C16orf96: variants seen among roughly 807,000 people sequenced by gnomAD.
C16orf96 encodes uncharacterized protein C16orf96.
In C16orf96, 108 loss-of-function variants were observed where a neutral mutation model predicts 103.6. The observed-to-expected ratio is 1.04, with a 90% CI of 0.89 to 1.22. C16orf96 has a LOEUF of 1.22. C16orf96 is among the 50% of genes most tolerant of loss of function. The probability of loss-of-function intolerance (pLI) is 0.00; values close to 1 mark genes in which losing one functional copy is unlikely to be tolerated. For synonymous variants in C16orf96, 566 were observed against 593.5 expected (o/e 0.95, Z 0.67); for missense variants, 1,586 against 1,464.2 (o/e 1.08, Z -1.36).
In C16orf96 at chr16:4,600,587, G is replaced by T; in HGVS notation, c.*270G>T. ...GTCCCGTCCCCGGCTGAGACCCAGG[G>T]CCCTGAGCCTGGCCCAGAAAGGGTG... On this transcript the variant is annotated 3_prime_UTR_variant, in exon 16 of 16. Coordinates refer to ENST00000444310, the MANE Select transcript of C16orf96 (RefSeq NM_001145011.2). The T allele has an allele frequency of 2.2e-6, 1 of 452,024 alleles. No homozygotes were observed. The highest frequency in any genetic ancestry group is 2.1e-5 in the South Asian group (1 of 47,116). The allele number at this position is 452,024 out of a possible 1,614,324, so 28.0% of individuals were successfully genotyped here.
chr16:4,547,696 CTTTCTTTCTTTCT>C, the C16orf96 span, among the ~76,000 whole-genome samples: 78 of 45,160 alleles, frequency 1.7e-3, 1 homozygote, highest in African/African-American at 3.6e-3. Flanking sequence ...TTCCTTCTTT[CTTTCTTTCTTTCT>C]TTCTTTCTTT....
intron 7 of C16orf96, among the ~76,000 whole-genome samples, 194 bp downstream of exon 7, chr16:4,580,319 C>CCT (rs371005389): frequency 1.5e-5 from 2 of 134,486 alleles, no homozygotes; most frequent in Admixed American, 7.9e-5. Context: ...CACCCCCCCC[C>CCT]ACCCATATAA....
chr16:4,561,722 T>C (rs1479133579), intron 1 of C16orf96: 1 of 152,242 alleles, frequency 6.6e-6, no homozygotes, highest in Non-Finnish European at 1.5e-5. Context: ...CAATGACCCA[T>C]TGAAGGGGGT....
chr16:4,564,775 C>T (rs1163190982), intron 1 of C16orf96, among the ~76,000 whole-genome samples: 1 of 152,214 alleles, frequency 6.6e-6, no homozygotes, highest in Admixed American at 6.5e-5. Context: ...CGCGCCGCTG[C>T]ACTCCAGCCT....
chr16:4,596,742 A>G (rs1306332416), intron 14 of C16orf96, among the ~76,000 whole-genome samples: 2 of 152,146 alleles, frequency 1.3e-5, no homozygotes, highest in Non-Finnish European at 2.9e-5. Flanking sequence ...CAACAACAAC[A>G]AAAACAAAAT....
At chr16:4,544,603 TG>T in the C16orf96 span, among the ~76,000 whole-genome samples, 3 of 152,304 alleles carry the variant, frequency 2.0e-5, no homozygotes, top group Non-Finnish European at 4.4e-5. Context: ...AGCCTGACCC[TG>T]TCTGAAAAAT....
chr16:4,543,084 A>G, the C16orf96 span, among the ~76,000 whole-genome samples: 72 of 152,328 alleles, frequency 4.7e-4, no homozygotes, highest in Admixed American at 2.5e-3. Context: ...GGAGACTAAT[A>G]TAATAGCTTA....
chr16:4,579,103 C>T (rs569317764), intron 6 of C16orf96, 78 bp downstream of exon 6: 6 of 1,291,564 alleles, frequency 4.6e-6, no homozygotes, highest in Admixed American at 4.1e-5. Flanking sequence ...GACTCTGCCC[C>T]CCTCCCAGGT....
chr16:4,581,074 C>T (rs1377863542), intron 7 of C16orf96, among the ~76,000 whole-genome samples: 6 of 143,556 alleles, frequency 4.2e-5, no homozygotes, highest in African/African-American at 7.7e-5. Flanking sequence ...CGGTGAGCCC[C>T]GATCGTGCCA....
At chr16:4,550,255 T>C in the C16orf96 span, among the ~76,000 whole-genome samples, 1 of 152,106 alleles carries the variant, frequency 6.6e-6, no homozygotes, top group Non-Finnish European at 1.5e-5. Flanking sequence ...CAGCTAATTT[T>C]TATAATTTTA....
chr16:4,588,198 C>T lies in C16orf96; in HGVS notation c.2459C>T (p.Ala820Val). The T allele has an allele frequency of 6.4e-7, 1 of 1,551,496 alleles. No individual in the cohort carries two copies. The highest frequency in any genetic ancestry group is 8.7e-7 in the Non-Finnish European group (1 of 1,146,924). Residue 820 changes from alanine (A) to valine (V), a missense_variant, in exon 9 of 16, where the codon GCA (alanine) becomes GTA (valine). Ala to Val is a moderately conservative substitution (Grantham distance 64). Coordinates refer to ENST00000444310, the MANE Select transcript of C16orf96 (RefSeq NM_001145011.2). ...GACAGGAGTGCCCTGGCAGGCAAGG[C>T]AAGCCGCGTTGACCTGGAGACTGTG... is the stretch of plus-strand genomic sequence containing the variant. Reference protein sequence around the residue: ...KADRSALAGKASRVDLETVAL... With the variant: ...KADRSALAGKVSRVDLETVAL...
At position 4,585,813 on chromosome 16, in the gene C16orf96, G is replaced by A. The variant is rs76854309; in HGVS notation, c.2353-1226G>A. 4.6e-5 allele frequency among the ~76,000 whole-genome samples: 7 copies of A among 152,260 alleles called. No homozygotes were observed. In the East Asian group the frequency reaches 1.3e-3, roughly 29 times the overall value. On this transcript the variant is annotated intron_variant, in intron 7 of 15. Transcript: ENST00000444310. ...TTGGAGCAACTTGGATGGAGGCCGG[G>A]GTCATTATTCTAAGTGAAGCAACTC...
At position 4,576,587 on chromosome 16, in the gene C16orf96, G is replaced by A. The variant is rs1277260821; in HGVS notation, c.2107G>A (p.Glu703Lys). ...TGTCAAACACGACTCTCTGAAGGAA[G>A]AATTTGCCCAGCTGTCCTGTAACCT... ...IPVKHDSLKEEFAQLSCNLNQ... is the reference protein window; with the variant it reads ...IPVKHDSLKEKFAQLSCNLNQ... Residue 703 changes from glutamate to lysine, a missense_variant, in exon 5 of 16, where the codon GAA (glutamate) becomes AAA (lysine). Physicochemically the swap from Glu to Lys is moderately conservative, Grantham distance 56 (BLOSUM62 1). Coordinates refer to ENST00000444310, the MANE Select transcript of C16orf96 (RefSeq NM_001145011.2). 2 of 1,551,600 alleles carry A rather than the reference G, an allele frequency of 1.3e-6. No homozygotes were observed. The highest frequency in any genetic ancestry group is 2.0e-5 in the Admixed American group (1 of 50,994).
At chr16:4,542,225 T>C in the C16orf96 span, among the ~76,000 whole-genome samples, 2 of 152,230 alleles carry the variant, frequency 1.3e-5, no homozygotes, top group South Asian at 4.1e-4. Context: ...ATTAGCCAGC[T>C]GTGGTGGCTC....
chr16:4,540,096 A>G, the C16orf96 span, among the ~76,000 whole-genome samples: 1 of 152,146 alleles, frequency 6.6e-6, no homozygotes, highest in Non-Finnish European at 1.5e-5. Context: ...GTCTTGATAC[A>G]TTGGCTCTAT....
In C16orf96 at chr16:4,571,571, C is replaced by A. The variant is rs767903079; in HGVS notation, c.431C>A (p.Thr144Asn). ...HDEVMAKSMQ[T>N]LQDLLTDLHA... ...CCTCCTCTTTTGCAGTCAATGCAGA[C>A]CCTGCAGGACTTGCTCACTGATCTT... The change falls in exon 2 of 16, where the codon ACC becomes AAC. Residue 144 changes from threonine to asparagine, a missense_variant. Transcript: ENST00000444310. 21 of 1,552,000 alleles carry A rather than the reference C, an allele frequency of 1.4e-5. No individual in the cohort carries two copies. In the Admixed American group the frequency reaches 1.8e-4, roughly 13 times the overall value.
At chr16:4,571,942 C>T (rs2059443713) in intron 2 of C16orf96, among the ~76,000 whole-genome samples, 1 of 151,760 alleles carries the variant, frequency 6.6e-6, no homozygotes, top group South Asian at 2.1e-4. Context: ...CTCTGCCTCC[C>T]GGGTTCAAGT....
the C16orf96 span, among the ~76,000 whole-genome samples, chr16:4,550,218 A>G: frequency 1.3e-5 from 2 of 151,652 alleles, no homozygotes; most frequent in Non-Finnish European, 2.9e-5. Context: ...CCAAGTAGCT[A>G]GGATTACAGG....
Position 4,594,412 on chromosome 16 carries a change from G to T in C16orf96, c.2929G>T (p.Gly977Cys). The T allele has an allele frequency of 6.4e-7, 1 of 1,551,426 alleles. No homozygotes were observed. The highest frequency in any genetic ancestry group is 8.7e-7 in the Non-Finnish European group (1 of 1,146,990). The change falls in exon 13 of 16, where the codon GGT (glycine) becomes TGT (cysteine). Residue 977 changes from glycine (G) to cysteine (C), a missense_variant. Gly to Cys is a radical substitution (Grantham distance 159). Coordinates refer to ENST00000444310, the MANE Select transcript of C16orf96 (RefSeq NM_001145011.2). ...GIQEDCQQDWGDGPQNATSLK... is the reference protein window; with the variant it reads ...GIQEDCQQDWCDGPQNATSLK... ...CCAGGAGGATTGTCAGCAGGACTGG[G>T]GTGATGGCCCCCAAAACGCCACCAG...
Sources: gnomAD v4.1 joint callset for allele counts (sites outside exome capture counted in the v4.1 genomes callset) on GRCh38, gnomAD v4.1.1 for gene constraint, MANE v1.5 for transcripts, NCBI Gene and HGNC (gene_info 2026-07-23, HGNC 2026-07-21) for gene names.